The following TARP variants were observed in gnomAD, a reference collection of about 807,000 sequenced individuals.
At chr7:38,269,035 G>A in the TARP span, among the ~76,000 whole-genome samples, 60 of 151,756 alleles carry the variant, frequency 4.0e-4, no homozygotes, top group Non-Finnish European at 6.9e-4. Flanking sequence ...TGAGGCCAGA[G>A]AATAATCACT....
At chr7:38,273,246 C>CT in the TARP span, among the ~76,000 whole-genome samples, 43 of 143,114 alleles carry the variant, frequency 3.0e-4, no homozygotes, top group South Asian at 2.0e-3. Flanking sequence ...GCTGATTTTA[C>CT]TTTTTTTTTT....
the TARP span, chr7:38,265,779 T>C: frequency 2.2e-6 from 2 of 889,070 alleles, no homozygotes; most frequent in South Asian, 1.7e-5. Context: ...AAAGAGAAGA[T>C]GCCATTGAGC....
chr7:38,264,775 T>A, the TARP span, among the ~76,000 whole-genome samples: 1 of 151,642 alleles, frequency 6.6e-6, no homozygotes, highest in Non-Finnish European at 1.5e-5. Context: ...GCTTTGCACA[T>A]TTGCCTCCCC....
the TARP span, among the ~76,000 whole-genome samples, chr7:38,269,299 T>C: frequency 6.6e-6 from 1 of 151,952 alleles, no homozygotes; most frequent in African/African-American, 2.4e-5. Context: ...CCAAATCTTA[T>C]TATGATATCT....
At chr7:38,261,632 CG>C in the TARP span, among the ~76,000 whole-genome samples, 5 of 151,242 alleles carry the variant, frequency 3.3e-5, no homozygotes, top group Non-Finnish European at 5.9e-5. Context: ...CCCAACAGTT[CG>C]GGAGGGCGAG....
chr7:38,262,229 G>A, the TARP span: 2 of 1,603,118 alleles, frequency 1.2e-6, no homozygotes, highest in South Asian at 2.2e-5. Flanking sequence ...CTAGAAGAAT[G>A]AGAGCAAGTA....
chr7:38,259,864 G>T, the TARP span: 1 of 495,894 alleles, frequency 2.0e-6, no homozygotes, highest in Non-Finnish European at 3.6e-6. Context: ...AACATGGAGA[G>T]ATTGGTGCTG....
chr7:38,273,066 A>G, the TARP span, among the ~76,000 whole-genome samples: 1 of 151,172 alleles, frequency 6.6e-6, no homozygotes, highest in Admixed American at 6.6e-5. Context: ...CTTTAAACTT[A>G]AGCTAACAAA....
At chr7:38,260,568 T>G in the TARP span, among the ~76,000 whole-genome samples, 1 of 151,264 alleles carries the variant, frequency 6.6e-6, no homozygotes, top group South Asian at 2.1e-4. Flanking sequence ...ATGCCTCTAA[T>G]TATGGCTATG....
At chr7:38,264,633 G>A in the TARP span, among the ~76,000 whole-genome samples, 7 of 151,000 alleles carry the variant, frequency 4.6e-5, no homozygotes, top group Admixed American at 3.3e-4. Context: ...TAGTGTAAAG[G>A]AAAACACATT....
chr7:38,266,040 T>G, the TARP span, among the ~76,000 whole-genome samples: 1 of 151,270 alleles, frequency 6.6e-6, no homozygotes, highest in East Asian at 1.9e-4. Flanking sequence ...TTTAATCTCT[T>G]TTGTTTCATC....
At chr7:38,269,426 C>T in the TARP span, 41 of 704,872 alleles carry the variant, frequency 5.8e-5, no homozygotes, top group Middle Eastern at 2.3e-4. Flanking sequence ...TTACATTATT[C>T]CAGTTTAATA....
the TARP span, chr7:38,265,382 C>A: frequency 6.2e-7 from 1 of 1,611,952 alleles, no homozygotes; most frequent in Non-Finnish European, 8.5e-7. Flanking sequence ...ATTTCTTGAT[C>A]AACTCCGTTT....
At chr7:38,264,215 A>C in the TARP span, among the ~76,000 whole-genome samples, 7 of 142,972 alleles carry the variant, frequency 4.9e-5, no homozygotes, top group East Asian at 1.4e-3. Context: ...AACTTCCAAG[A>C]AAGAGCATTA....
chr7:38,266,876 AATTTTTTCTTG>A, the TARP span, among the ~76,000 whole-genome samples: 2 of 151,656 alleles, frequency 1.3e-5, 1 homozygote, highest in South Asian at 4.2e-4. Context: ...CTCTTATTTA[AATTTTTTCTTG>A]ATTATTTTCA....
At chr7:38,263,072 C>CA in the TARP span, among the ~76,000 whole-genome samples, 1 of 151,644 alleles carries the variant, frequency 6.6e-6, no homozygotes, top group Non-Finnish European at 1.5e-5. Context: ...CCAAATCATG[C>CA]ATATCCCCAA....
chr7:38,263,038 A>G, the TARP span, among the ~76,000 whole-genome samples: 1 of 151,604 alleles, frequency 6.6e-6, no homozygotes, highest in East Asian at 1.9e-4. Context: ...TTCTCATCTA[A>G]GCAAAAAAAG....
chr7:38,262,691 G>C, the TARP span, among the ~76,000 whole-genome samples: 2 of 151,442 alleles, frequency 1.3e-5, no homozygotes, highest in African/African-American at 4.9e-5. Flanking sequence ...CTGTCACCCA[G>C]GCTGGAGTGG....
the TARP span, among the ~76,000 whole-genome samples, chr7:38,271,378 T>C: frequency 6.6e-6 from 1 of 151,436 alleles, no homozygotes; most frequent in African/African-American, 2.4e-5. Context: ...CCCAAAATTT[T>C]CTCTCACAAC....
Sources: gnomAD v4.1 joint callset for allele counts (sites outside exome capture counted in the v4.1 genomes callset) on GRCh38, gnomAD v4.1.1 for gene constraint, MANE v1.5 for transcripts.